ANO4: variants seen among roughly 807,000 people sequenced by gnomAD.
The protein encoded by ANO4 is anoctamin 4, also known as anoctamin-4.
ANO4 carries 69 observed loss-of-function variants against 141.9 expected under a neutral mutation model. That is an observed-to-expected ratio of 0.49 (90% CI 0.40 to 0.59). The LOEUF is 0.59. Among genes scored for constraint, ANO4 ranks in the 20% least tolerant of loss-of-function variants. ANO4 has a pLI of 0.00. For synonymous variants in ANO4, 350 were observed against 394.3 expected (o/e 0.89, Z 1.33); for missense variants, 894 against 1,162.2 (o/e 0.77, Z 3.36).
In ANO4 at chr12:100,942,552, G is replaced by C; in HGVS notation, c.456+17G>C. On this transcript the variant is annotated intron_variant, in intron 5 of 27. Transcript: ENST00000392977. ...GAGAAAGAGGTAAATAGTTTGCTTG[G>C]ATGAGAAAAAAATATATACATATCT... is the stretch of plus-strand genomic sequence containing the variant. 2 of 1,605,920 alleles carry C rather than the reference G, an allele frequency of 1.2e-6. No homozygotes were observed. The highest frequency in any genetic ancestry group is 1.7e-6 in the Non-Finnish European group (2 of 1,177,642).
chr12:100,768,415 G>A (rs1952975540), intron 3 of ANO4, among the ~76,000 whole-genome samples: 1 of 152,178 alleles, frequency 6.6e-6, no homozygotes, highest in African/African-American at 2.4e-5. Context: ...CTCTTGTGAA[G>A]GTATTTTTAT....
At chr12:100,867,214 C>T (rs1338122512) in intron 1 of ANO4, among the ~76,000 whole-genome samples, 1 of 152,172 alleles carries the variant, frequency 6.6e-6, no homozygotes, top group Non-Finnish European at 1.5e-5. Flanking sequence ...GTTTATGACT[C>T]TTGCTTAACG....
At chr12:101,115,161 G>T (rs1194100858) in intron 24 of ANO4, among the ~76,000 whole-genome samples, 1 of 152,098 alleles carries the variant, frequency 6.6e-6, no homozygotes, top group African/African-American at 2.4e-5. Context: ...CTAGATGCAA[G>T]AAATAAATAA....
At position 101,110,525 on chromosome 12, in the gene ANO4, G is replaced by A. The variant is rs2050623097; in HGVS notation, c.2271G>A (p.Arg757=). ...CTTACAAATTTGTCACACAGTGGAG[G>A]AGACCTTTAGCTTCAAGGGCCAAAG... ...LDAYKFVTQW[R]RPLASRAKDI... The change falls in exon 23 of 28, where the codon AGG becomes AGA. Residue 757 remains arginine, a synonymous_variant. Coordinates refer to ENST00000392977, the MANE Select transcript of ANO4 (RefSeq NM_001286615.2). The A allele has an allele frequency of 6.2e-7, 1 of 1,604,754 alleles. No homozygotes were observed. The highest frequency in any genetic ancestry group is 1.3e-5 in the African/African-American group (1 of 74,604).
At chr12:100,728,244 T>C (rs912374235) in intron 1 of ANO4, among the ~76,000 whole-genome samples, 1 of 152,198 alleles carries the variant, frequency 6.6e-6, no homozygotes, top group African/African-American at 2.4e-5. Flanking sequence ...TTTCTTTTGT[T>C]ATAAGATTGT....
chr12:100,728,316 C>T (rs546067088), intron 1 of ANO4, among the ~76,000 whole-genome samples: 72 of 152,352 alleles, frequency 4.7e-4, no homozygotes, highest in Middle Eastern at 3.4e-3. Context: ...GTTTTGTCCA[C>T]ACTTTTTCGC....
At chr12:100,912,869 TGTG>T (rs893209539) in intron 2 of ANO4, among the ~76,000 whole-genome samples, 4 of 152,236 alleles carry the variant, frequency 2.6e-5, no homozygotes, top group Non-Finnish European at 5.9e-5. Context: ...TGAAGGTGAA[TGTG>T]GTGCCTTTCA....
intron 8 of ANO4, among the ~76,000 whole-genome samples, chr12:100,996,020 C>A (rs908075324): frequency 1.3e-5 from 2 of 152,200 alleles, no homozygotes; most frequent in Admixed American, 1.3e-4. Flanking sequence ...ATTGTGGTTT[C>A]CATGTCCAAC....
chr12:100,980,174 C>T (rs2044395589), intron 7 of ANO4, among the ~76,000 whole-genome samples: 1 of 152,170 alleles, frequency 6.6e-6, no homozygotes, highest in Non-Finnish European at 1.5e-5. Flanking sequence ...CTGGAAGACT[C>T]TGGGCCAAGC....
intron 14 of ANO4, among the ~76,000 whole-genome samples, chr12:101,070,484 C>G (rs138398805): frequency 6.6e-6 from 1 of 152,096 alleles, no homozygotes; most frequent in South Asian, 2.1e-4. Context: ...GAAACTAGAC[C>G]CTTATCTTTC....
chr12:101,019,956 C>T (rs142894052), intron 8 of ANO4, 78 bp from the exon 9 acceptor site: 13,755 of 1,192,022 alleles, frequency 0.012, 119 homozygotes, highest in South Asian at 0.024. Context: ...TGCATCTGAG[C>T]AACACCAAAT....
At chr12:100,834,684 G>T (rs1348835256) in intron 1 of ANO4, among the ~76,000 whole-genome samples, 2 of 152,098 alleles carry the variant, frequency 1.3e-5, no homozygotes, top group Non-Finnish European at 2.9e-5. Flanking sequence ...AATGCAGCTT[G>T]TATTAGTGAT....
chr12:101,112,702 T>C lies in ANO4; in HGVS notation c.2450+992T>C, dbSNP rs1464321993. The stretch of plus-strand genomic sequence containing the variant: ...TGCCACCAAAGCAAATCAACTGAAC[T>C]CATGCAAACCTGGCCTGGGTCCAAT... On this transcript the variant is annotated intron_variant, in intron 24 of 27. Transcript: ENST00000392977. Among the ~76,000 whole-genome samples, 6 of 152,192 alleles carry C rather than the reference T, an allele frequency of 3.9e-5. No individual in the cohort carries two copies. The East Asian group carries it at 1.2e-3, about 29-fold the overall frequency.
intron 2 of ANO4, among the ~76,000 whole-genome samples, chr12:100,917,104 G>A (rs1490701262): frequency 6.6e-6 from 1 of 152,046 alleles, no homozygotes; most frequent in African/African-American, 2.4e-5. Context: ...TCACAATTAA[G>A]TATTGAGTAT....
At position 100,955,999 on chromosome 12, in the gene ANO4, T is replaced by G. The variant is rs1267292797; in HGVS notation, c.456+13464T>G. Among the ~76,000 whole-genome samples, 3 of 152,214 alleles carry G rather than the reference T, an allele frequency of 2.0e-5. No individual in the cohort carries two copies. The South Asian group carries it at 6.2e-4, about 32-fold the overall frequency. On this transcript the variant is annotated intron_variant, in intron 5 of 27. Coordinates refer to ENST00000392977, the MANE Select transcript of ANO4 (RefSeq NM_001286615.2). ...CCTGGCTCATCATGTCATCTTGACT[T>G]TCACATTATATATGCTCGCTTAGCA...
chr12:100,826,511 C>A (rs1174239433), intron 1 of ANO4, among the ~76,000 whole-genome samples: 1 of 151,976 alleles, frequency 6.6e-6, no homozygotes, highest in Admixed American at 6.6e-5. Flanking sequence ...TTGGTCCATA[C>A]CAGCGTGTTG....
At chr12:101,051,911 A>C (rs1285339319) in intron 14 of ANO4, among the ~76,000 whole-genome samples, 1 of 152,172 alleles carries the variant, frequency 6.6e-6, no homozygotes, top group Admixed American at 6.5e-5. Flanking sequence ...GTTCTATAAA[A>C]ATGTGTCAGT....
intron 3 of ANO4, among the ~76,000 whole-genome samples, chr12:100,923,809 G>A (rs538190789): frequency 8.6e-5 from 13 of 152,006 alleles, no homozygotes; most frequent in African/African-American, 2.9e-4. Flanking sequence ...TTGTTTCCTG[G>A]CTTTTTAATG....
chr12:100,915,661 A>G (rs2041304119), intron 2 of ANO4, among the ~76,000 whole-genome samples: 1 of 152,220 alleles, frequency 6.6e-6, no homozygotes, highest in Admixed American at 6.5e-5. Flanking sequence ...CTCATTTTGC[A>G]GAGAATGAAT....
Sources: allele counts gnomAD v4.1 joint callset (sites outside exome capture counted in the v4.1 genomes callset), GRCh38; gene constraint gnomAD v4.1.1; transcripts MANE v1.5; gene names NCBI Gene and HGNC (gene_info 2026-07-23, HGNC 2026-07-21).